The following KNDC1 variants were observed in gnomAD, a reference collection of about 807,000 sequenced individuals.
KNDC1 encodes the protein kinase non-catalytic C-lobe domain containing 1.
A neutral mutation model predicts 172.8 loss-of-function variants in KNDC1; 106 were observed. The observed-to-expected ratio is 0.61, with a 90% CI of 0.52 to 0.72. The LOEUF is 0.72. Ranked by LOEUF, KNDC1 falls within the 30% of genes least tolerant of loss-of-function variation. The pLI is 0.00. For missense variants in KNDC1, 2,325 were observed against 2,394.5 expected (o/e 0.97, Z 0.61); for synonymous variants, 1,083 against 1,062.2 (o/e 1.02, Z -0.38).
intron 29 of KNDC1, among the ~76,000 whole-genome samples, chr10:133,221,085 C>T (rs559203934): frequency 6.6e-6 from 1 of 152,204 alleles, no homozygotes; most frequent in South Asian, 2.1e-4. Context: ...CTAGGGACCC[C>T]TGTGTTGGGA....
rs749433418 is a variant in KNDC1 at position 133,183,482 on chromosome 10, G to A, written c.499G>A (p.Asp167Asn). ...MQAEDPGDRPDLESIIALCEE... is the reference protein window; with the variant it reads ...MQAEDPGDRPNLESIIALCEE... ...GGCGGAGGACCCCGGGGACCGGCCG[G>A]ACCTTGAGGTAAGCGAGGCTGCCCT... Residue 167 changes from aspartate (D) to asparagine (N), a missense_variant, in exon 4 of 30, where the codon GAC (aspartate) becomes AAC (asparagine). Transcript: ENST00000304613. 20 of 1,602,260 alleles carry A rather than the reference G, an allele frequency of 1.2e-5. No individual in the cohort carries two copies. In the South Asian group the frequency reaches 2.2e-4, roughly 18 times the overall value.
chr10:133,198,824 G>A lies in KNDC1; in HGVS notation c.2316G>A (p.Gly772=). The A allele has an allele frequency of 6.3e-7, 1 of 1,599,906 alleles. No homozygotes were observed. Among genetic ancestry groups the A allele is most frequent in the Non-Finnish European group, 8.5e-7 (1 of 1,174,734 alleles). ...AGGCCCCAGCAAACCAGCCAGAGGGGGCCTCATCGGCAGCTCCCGGCTCTC... is the reference window on the plus strand; with the variant it reads ...AGGCCCCAGCAAACCAGCCAGAGGGAGCCTCATCGGCAGCTCCCGGCTCTC... ...PPQAPANQPE[G]ASSAAPGSPV... The change falls in exon 14 of 30, where the codon GGG becomes GGA. Residue 772 remains glycine, a synonymous_variant. Coordinates refer to ENST00000304613, the MANE Select transcript of KNDC1 (RefSeq NM_152643.8).
chr10:133,219,924 TCCCCGGCCCACG>T lies in KNDC1; in HGVS notation c.4861-23_4861-12del. 1.9e-6 allele frequency: 3 copies of T among 1,541,542 alleles called. No individual in the cohort carries two copies. Among genetic ancestry groups the T allele is most frequent in the Non-Finnish European group, 2.6e-6 (3 of 1,141,562 alleles). ...TCCTGCACTGACCACGCCCTGTCTCTCCCCGGCCCACGCCCCGGCTGGACCACCAGGTCTTCC... is the reference window on the plus strand; with the variant it reads ...TCCTGCACTGACCACGCCCTGTCTCTCCCCGGCTGGACCACCAGGTCTTCC... On this transcript the variant is annotated intron_variant, in intron 28 of 29. Transcript: ENST00000304613.
chr10:133,189,607 G>A lies in KNDC1; in HGVS notation c.1451G>A (p.Cys484Tyr). ...CCAAGCTCTGCCACAGCCTACCTGT[G>A]TCTGGACTCCGTGCTGGTTGCTGAG... ...QTRPEHPAYL[C>Y]LDSVLVAEDG... Residue 484 changes from cysteine to tyrosine, a missense_variant, in exon 8 of 30, where the codon TGT (cysteine) becomes TAT (tyrosine). By Grantham distance (194) the Cys-to-Tyr change is radical (BLOSUM62 -2). Transcript: ENST00000304613. The A allele has an allele frequency of 6.2e-7, 1 of 1,613,540 alleles. No individual in the cohort carries two copies. Among genetic ancestry groups the A allele is most frequent in the Non-Finnish European group, 8.5e-7 (1 of 1,179,966 alleles).
chr10:133,209,289 T>G lies in KNDC1; in HGVS notation c.3795-1322T>G, dbSNP rs1025715634. ...TAGTGTGTGTGTGGTGTGTGGAGTA[T>G]AGTGTGTGTGGTGTGGGGTACAGTG... On this transcript the variant is annotated intron_variant, in intron 20 of 29. Transcript: ENST00000304613. The surrounding 1 kb of genome is among the most constrained non-coding windows in gnomAD (Gnocchi z 4.9). Among the ~76,000 whole-genome samples, 1 of 121,696 alleles carries G rather than the reference T, an allele frequency of 8.2e-6. No homozygotes were observed. Among genetic ancestry groups the G allele is most frequent in the African/African-American group, 3.1e-5 (1 of 31,942 alleles). The allele number at this position is 121,696 out of a possible 152,430, so 79.8% of individuals were successfully genotyped here.
rs553173787 is a variant in KNDC1, at chr10:133,164,861, G to T, written c.103-2520G>T. ...ACGTGGGATCCCCAGGCTGCTGAGT[G>T]CTGCCTGTGTCTCTCCCAGTCCTCT... On this transcript the variant is annotated intron_variant, in intron 1 of 29. Coordinates refer to ENST00000304613, the MANE Select transcript of KNDC1 (RefSeq NM_152643.8). 2.6e-5 allele frequency among the ~76,000 whole-genome samples: 4 copies of T among 152,306 alleles called. 1 individual carries two copies. The East Asian group carries it at 7.7e-4, about 29-fold the overall frequency.
At position 133,199,580 on chromosome 10, in the gene KNDC1, G is replaced by A. The variant is rs748017169; in HGVS notation, c.2881G>A (p.Gly961Arg). The A allele has an allele frequency of 1.2e-5, 19 of 1,613,596 alleles. No individual in the cohort carries two copies. Among genetic ancestry groups the A allele is most frequent in the South Asian group, 3.3e-5 (3 of 91,070 alleles). Residue 961 changes from glycine to arginine, a missense_variant, in exon 15 of 30, where the codon GGG becomes AGG. Coordinates refer to ENST00000304613, the MANE Select transcript of KNDC1 (RefSeq NM_152643.8). ...LLQNLFKVVN[G>R]QASPSPSTAE... is the part of the protein sequence containing the mutation. ...GCAGAACCTCTTTAAGGTGGTCAAC[G>A]GGCAGGCGTCACCCTCCCCAAGGTG...
intron 17 of KNDC1, chr10:133,202,846 G>A (rs537691575): frequency 1.4e-5 from 5 of 345,946 alleles, no homozygotes; most frequent in East Asian, 8.5e-5. Flanking sequence ...CCTGCATCTC[G>A]GACACCCCAC....
At chr10:133,185,921 A>AGGGGAGGGGGGGGAGGAGG (rs1853893561) in intron 5 of KNDC1, 53 bp from the exon 6 acceptor site, 2 of 960,400 alleles carry the variant, frequency 2.1e-6, no homozygotes, top group African/African-American at 4.1e-5. Flanking sequence ...GCGGGAGGAG[A>AGGGGAGGGGGGGGAGGAGG]GGGGAGGGGC....
chr10:133,187,070 C>T (rs1488820470), intron 6 of KNDC1, among the ~76,000 whole-genome samples: 2 of 152,256 alleles, frequency 1.3e-5, no homozygotes, highest in East Asian at 1.9e-4. Context: ...CACAGCCCTC[C>T]TCATCTTCCT....
In KNDC1 at chr10:133,200,377, CG is replaced by C; in HGVS notation, c.2908del (p.Ala970ProfsTer71). The C allele has an allele frequency of 1.3e-6, 2 of 1,587,698 alleles. No individual in the cohort carries two copies. Among genetic ancestry groups the C allele is most frequent in the Non-Finnish European group, 1.7e-6 (2 of 1,168,280 alleles). Reference sequence around the variant, plus strand: ...CTGACCTGCATTCTCGTCGTCAGCACGGCCGAGGAGGCTGGGTCACAGCTCG... The same window carrying C: ...CTGACCTGCATTCTCGTCGTCAGCACGCCGAGGAGGCTGGGTCACAGCTCG... ...VNGQASPSPS[T>X]AEEAGSQLEG... On this transcript the variant is annotated frameshift_variant, in exon 16 of 30. Coordinates refer to ENST00000304613, the MANE Select transcript of KNDC1 (RefSeq NM_152643.8). LOFTEE classifies it high-confidence loss of function.
At chr10:133,168,137 C>T in intron 2 of KNDC1, 117 bp from the exon 3 acceptor site, 1 of 859,480 alleles carries the variant, frequency 1.2e-6, no homozygotes, top group Non-Finnish European at 2.0e-6. Flanking sequence ...TCTGGGGACA[C>T]CAGGTCTGCG....
chr10:133,197,488 G>A (rs566085576), intron 11 of KNDC1, among the ~76,000 whole-genome samples, 187 bp from the exon 12 acceptor site: 21 of 152,340 alleles, frequency 1.4e-4, no homozygotes, highest in Non-Finnish European at 2.6e-4. Flanking sequence ...GGGAGGCAAA[G>A]GAGCCCCAAC....
chr10:133,193,460 G>A (rs1181146660), intron 9 of KNDC1, among the ~76,000 whole-genome samples: 1 of 152,192 alleles, frequency 6.6e-6, no homozygotes, highest in Non-Finnish European at 1.5e-5. Context: ...GGGAGGTGGA[G>A]GCTGCAGTGA....
At position 133,218,941 on chromosome 10, in the gene KNDC1, G is replaced by C. The variant is rs781661218; in HGVS notation, c.4788G>C (p.Val1596=). 1 of 1,613,684 alleles carries C rather than the reference G, an allele frequency of 6.2e-7. No individual in the cohort carries two copies. Among genetic ancestry groups the C allele is most frequent in the Admixed American group, 1.7e-5 (1 of 60,014 alleles). Residue 1596 remains valine (V), a synonymous_variant, in exon 27 of 30, where the codon GTG becomes GTC. Coordinates refer to ENST00000304613, the MANE Select transcript of KNDC1 (RefSeq NM_152643.8). ...QILSGLEHLA[V]RQSPAWRILP... ...TGAGCGGGCTGGAGCACCTGGCCGT[G>C]AGGCAGTCCCCTGTGCGTCCCCCTC...
Position 133,201,859 on chromosome 10 carries a change from G to A in KNDC1, c.3348G>A (p.Arg1116=), listed in dbSNP as rs1423526405. 4.1e-6 allele frequency: 6 copies of A among 1,477,870 alleles called. No homozygotes were observed. Among genetic ancestry groups the A allele is most frequent in the African/African-American group, 1.4e-5 (1 of 70,828 alleles). The allele number at this position is 1,477,870 out of a possible 1,614,324, so 91.5% of individuals were successfully genotyped here. Residue 1116 remains arginine, a synonymous_variant, in exon 17 of 30, where the codon CGG becomes CGA. Transcript: ENST00000304613. ...DVHNYVKDLG[R]QQADGALPDA... ...ACAACTACGTGAAGGACCTGGGGCG[G>A]CAGCAGGCGGACGGGGCCCTGCCCG...
intron 11 of KNDC1, 146 bp downstream of exon 11, chr10:133,197,281 G>A (rs1311573678): frequency 1.8e-5 from 12 of 674,742 alleles, no homozygotes; most frequent in Non-Finnish European, 2.6e-5. Context: ...GCATCTGGGG[G>A]TGCAGGGGGA....
At chr10:133,175,950 ATGGATGGG>A (rs1165856291) in intron 3 of KNDC1, among the ~76,000 whole-genome samples, 1 of 134,944 alleles carries the variant, frequency 7.4e-6, no homozygotes, top group Non-Finnish European at 1.6e-5. Flanking sequence ...GGGTGGGTGA[ATGGATGGG>A]TGGATGGATG....
intron 10 of KNDC1, among the ~76,000 whole-genome samples, chr10:133,196,640 A>G (rs890573279): frequency 1.3e-5 from 2 of 152,194 alleles, no homozygotes; most frequent in African/African-American, 4.8e-5. Context: ...AAGCAGTGAA[A>G]GCAGATTTTA....
Sources: gnomAD v4.1 joint callset for allele counts (sites outside exome capture counted in the v4.1 genomes callset) on GRCh38, gnomAD v4.1.1 for gene constraint, Gnocchi (gnomAD v3.1) non-coding constraint, MANE v1.5 for transcripts, NCBI Gene and HGNC (gene_info 2026-07-23, HGNC 2026-07-21) for gene names.